The following SORCS2 variants were observed in gnomAD, a reference collection of about 807,000 sequenced individuals.
The protein encoded by SORCS2 is VPS10 domain-containing receptor SorCS2.
A neutral mutation model predicts 141.6 loss-of-function variants in SORCS2; 100 were observed. The observed-to-expected ratio is 0.71, with a 90% CI of 0.60 to 0.83. The LOEUF (loss-of-function observed/expected upper bound fraction) is 0.83, where lower values mean the gene tolerates loss of function less well. Among genes scored for constraint, SORCS2 ranks in the 40% least tolerant of loss-of-function variants. The pLI, the probability that SORCS2 is intolerant of heterozygous loss-of-function variation, is 0.00. For missense variants in SORCS2, 1,646 were observed against 1,560.2 expected (o/e 1.05, Z -0.93); for synonymous variants, 789 against 676.9 (o/e 1.17, Z -2.57).
chr4:7,484,288 C>G (rs1402850739), intron 2 of SORCS2, among the ~76,000 whole-genome samples: 1 of 152,206 alleles, frequency 6.6e-6, no homozygotes, highest in Non-Finnish European at 1.5e-5. Flanking sequence ...CTCTGTCTTC[C>G]CACAAAAGGC....
chr4:7,534,829 A>C (rs1038816449), intron 3 of SORCS2, among the ~76,000 whole-genome samples: 3 of 152,218 alleles, frequency 2.0e-5, no homozygotes, highest in African/African-American at 7.2e-5. Flanking sequence ...CCAGAGGAAA[A>C]TGAATTTCTA....
chr4:7,245,326 G>A (rs1713011041), intron 1 of SORCS2, among the ~76,000 whole-genome samples: 2 of 152,246 alleles, frequency 1.3e-5, no homozygotes, highest in South Asian at 2.1e-4. Context: ...ATGTGGACAT[G>A]CGGTTCTCAT....
At chr4:7,630,539 C>A (rs1447617437) in intron 3 of SORCS2, among the ~76,000 whole-genome samples, 4 of 152,190 alleles carry the variant, frequency 2.6e-5, no homozygotes, top group Non-Finnish European at 4.4e-5. Flanking sequence ...CTCTACAGCC[C>A]TCAGGGTCAC....
chr4:7,416,598 T>G (rs1725692589), intron 2 of SORCS2, among the ~76,000 whole-genome samples: 1 of 151,604 alleles, frequency 6.6e-6, no homozygotes, highest in Non-Finnish European at 1.5e-5. Flanking sequence ...ATGCTCACAC[T>G]TGTGCGTATA....
chr4:7,590,922 G>A (rs1716874392), intron 3 of SORCS2, among the ~76,000 whole-genome samples: 1 of 152,310 alleles, frequency 6.6e-6, no homozygotes, highest in South Asian at 2.1e-4. Flanking sequence ...CTATATAGGG[G>A]TGAGCTTTCT....
At chr4:7,605,383 T>C (rs1046396935) in intron 3 of SORCS2, among the ~76,000 whole-genome samples, 10 of 152,118 alleles carry the variant, frequency 6.6e-5, no homozygotes, top group East Asian at 1.9e-4. Context: ...CATGGCTGTA[T>C]TGGGAGTTCT....
intron 1 of SORCS2, among the ~76,000 whole-genome samples, chr4:7,368,471 C>T (rs566327833): frequency 3.3e-5 from 5 of 152,316 alleles, no homozygotes; most frequent in African/African-American, 1.2e-4. Context: ...CCTTCAGGGT[C>T]ACGCCTGCCA....
chr4:7,735,948 G>A (rs565265760), intron 25 of SORCS2, among the ~76,000 whole-genome samples: 1 of 152,316 alleles, frequency 6.6e-6, no homozygotes, highest in East Asian at 1.9e-4. Flanking sequence ...CGACTGCCCT[G>A]GAAACAAAAG....
intron 1 of SORCS2, among the ~76,000 whole-genome samples, chr4:7,334,847 G>A (rs1719887984): frequency 6.6e-6 from 1 of 152,162 alleles, no homozygotes; most frequent in Non-Finnish European, 1.5e-5. Context: ...ATAGGAGTTG[G>A]CCTGTGGAGC....
chr4:7,626,335 A>G (rs974825723), intron 3 of SORCS2, among the ~76,000 whole-genome samples: 3 of 152,210 alleles, frequency 2.0e-5, no homozygotes, highest in Non-Finnish European at 4.4e-5. Flanking sequence ...CCTAATTACA[A>G]ATGTAACACT....
At chr4:7,215,828 C>A (rs59431322) in intron 1 of SORCS2, among the ~76,000 whole-genome samples, 30 of 151,950 alleles carry the variant, frequency 2.0e-4, no homozygotes, top group Admixed American at 3.9e-4. Context: ...CGTGGAGAAC[C>A]TTTGTATCTA....
intron 1 of SORCS2, among the ~76,000 whole-genome samples, chr4:7,283,342 T>G (rs889681413): frequency 6.6e-6 from 1 of 152,176 alleles, no homozygotes; most frequent in Non-Finnish European, 1.5e-5. Context: ...GGCAGTTCTT[T>G]CCTGGGCTGC....
chr4:7,196,130 G>A lies in SORCS2; in HGVS notation c.480+3004G>A, dbSNP rs934477778. On this transcript the variant is annotated intron_variant, in intron 1 of 26. Transcript: ENST00000507866. ...CTGCTCCCATGGAGATAGAGAAGGGGACTTGCTTGGAAGTTCAAACACCGC... is the reference window on the plus strand; with the variant it reads ...CTGCTCCCATGGAGATAGAGAAGGGAACTTGCTTGGAAGTTCAAACACCGC... Among the ~76,000 whole-genome samples the A allele has an allele frequency of 3.3e-5, 5 of 152,194 alleles. No homozygotes were observed. In the East Asian group the frequency reaches 5.8e-4, roughly 18 times the overall value.
intron 2 of SORCS2, among the ~76,000 whole-genome samples, chr4:7,446,536 C>A (rs1728014008): frequency 6.6e-6 from 1 of 152,192 alleles, no homozygotes; most frequent in Non-Finnish European, 1.5e-5. Context: ...TGCTGAGGGG[C>A]TGCCTCTGCA....
intron 2 of SORCS2, among the ~76,000 whole-genome samples, chr4:7,503,904 G>A (rs774122346): frequency 6.6e-6 from 1 of 152,176 alleles, no homozygotes; most frequent in South Asian, 2.1e-4. Context: ...GCGTCGGGGG[G>A]CTGAGGTTTT....
chr4:7,605,104 C>T (rs766982424), intron 3 of SORCS2, among the ~76,000 whole-genome samples: 5 of 152,190 alleles, frequency 3.3e-5, no homozygotes, highest in Admixed American at 6.5e-5. Context: ...GATGTTCCTT[C>T]GTGTGAGGGA....
At chr4:7,231,347 G>A (rs922058525) in intron 1 of SORCS2, among the ~76,000 whole-genome samples, 13 of 152,218 alleles carry the variant, frequency 8.5e-5, no homozygotes, top group African/African-American at 3.1e-4. Flanking sequence ...GTCTTCTGAT[G>A]TATACATTAA....
intron 3 of SORCS2, among the ~76,000 whole-genome samples, chr4:7,555,821 G>A (rs943245171): frequency 5.9e-5 from 9 of 152,170 alleles, no homozygotes; most frequent in Admixed American, 2.0e-4. Context: ...CAGGTGCAAA[G>A]GTCCTGAGGC....
At chr4:7,525,911 TCACCTGTCCCCTCCTCA>T (rs1335212807) in intron 2 of SORCS2, among the ~76,000 whole-genome samples, 4,460 of 75,138 alleles carry the variant, frequency 0.059, 301 homozygotes, top group Middle Eastern at 0.13. Flanking sequence ...CCTCCTGCAG[TCACCTGTCCCCTCCTCA>T]CACCTGTCCC....
Sources: gnomAD v4.1 joint callset for allele counts (sites outside exome capture counted in the v4.1 genomes callset) on GRCh38, gnomAD v4.1.1 for gene constraint, MANE v1.5 for transcripts, NCBI Gene and HGNC (gene_info 2026-07-23, HGNC 2026-07-21) for gene names.